Variants in FAM227B observed in about 807,000 individuals in gnomAD.
The protein encoded by FAM227B is family with sequence similarity 227 member B.
Under a neutral mutation model 73.8 loss-of-function variants are expected in FAM227B, and 88 were observed. The observed-to-expected ratio is 1.19, with a 90% CI of 1.00 to 1.42. The LOEUF is 1.42. Ranked by LOEUF, FAM227B falls within the 40% of genes most tolerant of loss-of-function variation. The pLI is 0.00. For synonymous variants in FAM227B, 210 were observed against 190.5 expected (o/e 1.10, Z -0.84); for missense variants, 632 against 590.9 (o/e 1.07, Z -0.72).
chr15:49,338,227 A>G (rs981238718), intron 13 of FAM227B, among the ~76,000 whole-genome samples: 2 of 151,990 alleles, frequency 1.3e-5, no homozygotes, highest in African/African-American at 4.8e-5. Context: ...TATAGCATTG[A>G]TGGTCTTTAC....
chr15:49,430,315 T>C (rs923925917), intron 11 of FAM227B, among the ~76,000 whole-genome samples: 1 of 151,840 alleles, frequency 6.6e-6, no homozygotes, highest in African/African-American at 2.4e-5. Context: ...GTACTTGAAG[T>C]ACAGGCCTCA....
chr15:49,428,162 C>T (rs772776414), intron 11 of FAM227B, among the ~76,000 whole-genome samples: 1 of 151,862 alleles, frequency 6.6e-6, no homozygotes, highest in Non-Finnish European at 1.5e-5. Flanking sequence ...GGGACAGAAG[C>T]TGCTACTAGA....
At chr15:49,587,270 A>G (rs2076223354) in intron 5 of FAM227B, among the ~76,000 whole-genome samples, 1 of 152,152 alleles carries the variant, frequency 6.6e-6, no homozygotes, top group Non-Finnish European at 1.5e-5. Flanking sequence ...TTTAAGTGGG[A>G]GCTAAATTAT....
intron 11 of FAM227B, chr15:49,484,590 T>G (rs2056251621): frequency 1.6e-6 from 1 of 623,322 alleles, no homozygotes. Flanking sequence ...TTTCTTTCCT[T>G]TTATTTTTTA....
At chr15:49,549,282 TTAC>T (rs1382933534) in intron 9 of FAM227B, among the ~76,000 whole-genome samples, 1 of 140,910 alleles carries the variant, frequency 7.1e-6, no homozygotes, top group Non-Finnish European at 1.5e-5. Flanking sequence ...ATTTCCACGT[TTAC>T]TTTCAAATTT....
intron 11 of FAM227B, among the ~76,000 whole-genome samples, chr15:49,499,873 AAAGT>A (rs1337622849): frequency 6.6e-6 from 1 of 152,206 alleles, no homozygotes; most frequent in African/African-American, 2.4e-5. Flanking sequence ...TAGAGACCTA[AAAGT>A]AAGAGCTACA....
rs138093628 is a variant in FAM227B, at chr15:49,513,568, G to A, written c.875-5220C>T. On this transcript the variant is annotated intron_variant, in intron 10 of 15. Coordinates refer to ENST00000299338, the MANE Select transcript of FAM227B (RefSeq NM_152647.3). Reference sequence around the variant, plus strand: ...CTGTAGGTTGCCTGTTTGCTCTGATGATCTCTTGCTGTGCAGAAGTTCTTT... The same window carrying A: ...CTGTAGGTTGCCTGTTTGCTCTGATAATCTCTTGCTGTGCAGAAGTTCTTT... Among the ~76,000 whole-genome samples the A allele has an allele frequency of 3.3e-3, 497 of 151,486 alleles. 12 individuals are homozygous for A. The highest frequency in any genetic ancestry group is 0.025 in the Admixed American group (384 of 15,194).
At chr15:49,460,008 A>G (rs2151923099) in intron 11 of FAM227B, among the ~76,000 whole-genome samples, 1 of 152,246 alleles carries the variant, frequency 6.6e-6, no homozygotes, top group South Asian at 2.1e-4. Flanking sequence ...TTCCACAGCT[A>G]TCACTTTCTT....
At chr15:49,552,933 G>C (rs2073206507) in intron 9 of FAM227B, among the ~76,000 whole-genome samples, 1 of 152,040 alleles carries the variant, frequency 6.6e-6, no homozygotes, top group African/African-American at 2.4e-5. Flanking sequence ...TTGTTTCAAA[G>C]GTCACATATC....
At chr15:49,354,464 C>T (rs1209117646) in intron 13 of FAM227B, among the ~76,000 whole-genome samples, 22 of 152,156 alleles carry the variant, frequency 1.4e-4, no homozygotes, top group Admixed American at 3.3e-4. Context: ...GTTCCCTTTC[C>T]GAGTCAAAGA....
At chr15:49,463,860 C>T (rs1271215457) in intron 11 of FAM227B, among the ~76,000 whole-genome samples, 2 of 152,190 alleles carry the variant, frequency 1.3e-5, no homozygotes, top group African/African-American at 4.8e-5. Flanking sequence ...CTCTTATAAG[C>T]ACAGAAATAT....
intron 11 of FAM227B, among the ~76,000 whole-genome samples, chr15:49,502,067 G>A (rs1489320729): frequency 6.6e-6 from 1 of 152,220 alleles, no homozygotes; most frequent in Non-Finnish European, 1.5e-5. Context: ...GCTTAGATTT[G>A]AGGATGTATG....
At chr15:49,581,900 T>C (rs1225036201) in intron 5 of FAM227B, among the ~76,000 whole-genome samples, 1 of 152,148 alleles carries the variant, frequency 6.6e-6, no homozygotes. Flanking sequence ...AACAACAAGA[T>C]GACAGCCCTA....
At chr15:49,559,245 A>G (rs2074033925) in intron 9 of FAM227B, among the ~76,000 whole-genome samples, 1 of 152,120 alleles carries the variant, frequency 6.6e-6, no homozygotes, top group Admixed American at 6.5e-5. Flanking sequence ...TGCACTTCAT[A>G]AGGAACTCCT....
rs571494757 is a variant in FAM227B, at chr15:49,421,910, C to A, written c.1013-50511G>T. Among the ~76,000 whole-genome samples, 4 of 152,234 alleles carry A rather than the reference C, an allele frequency of 2.6e-5. No individual in the cohort carries two copies. The South Asian group carries it at 8.3e-4, about 32-fold the overall frequency. On this transcript the variant is annotated intron_variant, in intron 11 of 15. Transcript: ENST00000299338. ...GATGCAATGATCAAAGAGTCTGTCC[C>A]CCTCTGCTTTAATAAATGTGGAACA... is the stretch of plus-strand genomic sequence containing the variant.
intron 15 of FAM227B, chr15:49,331,434 C>G (rs1447284241): frequency 4.4e-6 from 1 of 224,860 alleles, no homozygotes. Context: ...TCATCTAACA[C>G]AGCTGTTGGT....
chr15:49,422,646 C>T (rs2049785086), intron 11 of FAM227B: 2 of 1,109,262 alleles, frequency 1.8e-6, no homozygotes, highest in South Asian at 2.7e-5. Context: ...CAGCAGGTAA[C>T]TTGCCCGAAG....
chr15:49,552,645 T>C (rs1402377795), intron 9 of FAM227B, among the ~76,000 whole-genome samples: 1 of 152,184 alleles, frequency 6.6e-6, no homozygotes, highest in African/African-American at 2.4e-5. Context: ...TTCTAGATCC[T>C]GTAGGCATGT....
At chr15:49,416,794 CACACAAA>C (rs1305750767) in intron 11 of FAM227B, among the ~76,000 whole-genome samples, 14 of 151,420 alleles carry the variant, frequency 9.2e-5, no homozygotes, top group Non-Finnish European at 1.6e-4. Flanking sequence ...CACACACACA[CACACAAA>C]CACACAAATA....
Sources: allele counts gnomAD v4.1 joint callset (sites outside exome capture counted in the v4.1 genomes callset), GRCh38; gene constraint gnomAD v4.1.1; transcripts MANE v1.5; gene names NCBI Gene and HGNC (gene_info 2026-07-23, HGNC 2026-07-21).